The following ARID2 variants were observed in gnomAD, a reference collection of about 807,000 sequenced individuals.
The protein encoded by ARID2 is AT-rich interactive domain-containing protein 2.
Under a neutral mutation model 184.6 loss-of-function variants are expected in ARID2, and 32 were observed. The ratio of observed to expected loss-of-function variants is 0.17; its 90% CI spans 0.13 to 0.23. The LOEUF (loss-of-function observed/expected upper bound fraction) is 0.23. Among genes scored for constraint, ARID2 ranks in the 10% least tolerant of loss-of-function variants. The probability of loss-of-function intolerance (pLI) is 1.00; values close to 1 mark genes in which losing one functional copy is unlikely to be tolerated. For missense variants in ARID2, 1,696 were observed against 2,197.6 expected (o/e 0.77, Z 4.56); for synonymous variants, 836 against 772.6 (o/e 1.08, Z -1.36).
chr12:45,836,343 G>A (rs938969680), intron 6 of ARID2, among the ~76,000 whole-genome samples: 1 of 152,122 alleles, frequency 6.6e-6, no homozygotes, highest in Admixed American at 6.6e-5. Flanking sequence ...CCAAGTAGCT[G>A]GGACTTCAGG....
At chr12:45,870,419 T>C (rs1406225459) in intron 16 of ARID2, among the ~76,000 whole-genome samples, 2 of 152,188 alleles carry the variant, frequency 1.3e-5, no homozygotes, top group Non-Finnish European at 2.9e-5. Context: ...GTGGTACACA[T>C]GTGATAATTG....
intron 4 of ARID2, among the ~76,000 whole-genome samples, chr12:45,816,641 T>G (rs1942808485): frequency 6.6e-6 from 1 of 152,216 alleles, no homozygotes. Flanking sequence ...GCGAGATTTA[T>G]TAGTACTCAC....
chr12:45,815,286 A>C lies in ARID2; in HGVS notation c.419-2384A>C, dbSNP rs143735474. ...TAAAAATCTGCTCCTATATTCATAGAAGTTTCATTACTTTTTCTCCAGATA... is the reference window on the plus strand; with the variant it reads ...TAAAAATCTGCTCCTATATTCATAGCAGTTTCATTACTTTTTCTCCAGATA... On this transcript the variant is annotated intron_variant, in intron 4 of 20. Coordinates refer to ENST00000334344, the MANE Select transcript of ARID2 (RefSeq NM_152641.4). 2.6e-5 allele frequency among the ~76,000 whole-genome samples: 4 copies of C among 152,312 alleles called. No homozygotes were observed. The East Asian group carries it at 7.7e-4, about 29-fold the overall frequency.
At chr12:45,768,560 T>C (rs1438955034) in intron 3 of ARID2, among the ~76,000 whole-genome samples, 2 of 152,322 alleles carry the variant, frequency 1.3e-5, no homozygotes, top group African/African-American at 4.8e-5. Flanking sequence ...CTAAAGCAAC[T>C]AACTTCATTT....
At chr12:45,862,450 A>G (rs969683060) in intron 16 of ARID2, among the ~76,000 whole-genome samples, 2 of 152,034 alleles carry the variant, frequency 1.3e-5, no homozygotes, top group African/African-American at 2.4e-5. Context: ...CTGCATGCCA[A>G]TTTTACTCTC....
intron 3 of ARID2, among the ~76,000 whole-genome samples, chr12:45,764,929 T>C (rs1941744581): frequency 6.6e-6 from 1 of 152,264 alleles, no homozygotes; most frequent in East Asian, 1.9e-4. Context: ...GCTAAACTGT[T>C]TTTGAGAATG....
chr12:45,898,105 G>GA (rs953889577), intron 20 of ARID2, among the ~76,000 whole-genome samples: 2 of 151,502 alleles, frequency 1.3e-5, no homozygotes, highest in Non-Finnish European at 1.5e-5. Context: ...GCCTACAAAG[G>GA]AAAAAAAATT....
chr12:45,843,994 G>T (rs533239310), intron 11 of ARID2, among the ~76,000 whole-genome samples: 1 of 152,156 alleles, frequency 6.6e-6, no homozygotes, highest in African/African-American at 2.4e-5. Flanking sequence ...TAATCTGAAT[G>T]AAATAAAATA....
chr12:45,902,175 CAT>C (rs1332356971), intron 20 of ARID2, among the ~76,000 whole-genome samples: 2 of 151,984 alleles, frequency 1.3e-5, no homozygotes, highest in Non-Finnish European at 2.9e-5. Context: ...AAAAAACTAA[CAT>C]GTGAATTTAG....
At chr12:45,804,740 T>C (rs1158934169) in intron 3 of ARID2, among the ~76,000 whole-genome samples, 1 of 152,024 alleles carries the variant, frequency 6.6e-6, no homozygotes, top group Non-Finnish European at 1.5e-5. Context: ...GCTTAATACA[T>C]CATCTAAACC....
At chr12:45,785,207 G>A (rs369924691) in intron 3 of ARID2, among the ~76,000 whole-genome samples, 61 of 152,284 alleles carry the variant, frequency 4.0e-4, no homozygotes, top group African/African-American at 1.3e-3. Flanking sequence ...GTGCCCTAAA[G>A]TTAAACAAGT....
At chr12:45,811,287 A>T (rs570370672) in intron 3 of ARID2, 131 bp from the exon 4 acceptor site, 1 of 958,172 alleles carries the variant, frequency 1.0e-6, no homozygotes, top group South Asian at 2.0e-5. Flanking sequence ...GTTCTAATAT[A>T]AGAGGTTTAT....
At chr12:45,870,155 T>C (rs1386038106) in intron 16 of ARID2, among the ~76,000 whole-genome samples, 2 of 151,686 alleles carry the variant, frequency 1.3e-5, no homozygotes, top group African/African-American at 4.8e-5. Flanking sequence ...CCTGCTAACT[T>C]TTTTTGTATT....
At chr12:45,756,713 T>A (rs1378132022) in intron 3 of ARID2, among the ~76,000 whole-genome samples, 1 of 152,234 alleles carries the variant, frequency 6.6e-6, no homozygotes, top group East Asian at 1.9e-4. Flanking sequence ...ATGCCTGTAA[T>A]GCCAGCATTT....
In ARID2 at chr12:45,851,498, A is replaced by G. The variant is rs181055853; in HGVS notation, c.3375A>G (p.Gln1125=). The change falls in exon 15 of 21, where the codon CAA becomes CAG. Residue 1125 remains glutamine, a synonymous_variant. Coordinates refer to ENST00000334344, the MANE Select transcript of ARID2 (RefSeq NM_152641.4). ...TPAQQLLVGQ[Q]NVQLVPSAMP... is the part of the protein sequence containing the mutation. ...CTCAGCAGCTATTGGTTGGGCAGCA[A>G]AATGTTCAGTTGGTCCCAAGTGCAA... 22 of 1,614,132 alleles carry G rather than the reference A, an allele frequency of 1.4e-5. No individual in the cohort carries two copies. The Admixed American group carries it at 3.5e-4, about 26-fold the overall frequency.
intron 6 of ARID2, 51 bp from the exon 7 acceptor site, chr12:45,836,538 A>G (rs2138124740): frequency 6.6e-7 from 1 of 1,522,404 alleles, no homozygotes; most frequent in Non-Finnish European, 8.9e-7. Flanking sequence ...TTTCTAAAGC[A>G]ATAGAATAGT....
At chr12:45,800,705 C>T (rs1013597632) in intron 3 of ARID2, among the ~76,000 whole-genome samples, 4 of 151,704 alleles carry the variant, frequency 2.6e-5, no homozygotes, top group Non-Finnish European at 5.9e-5. Flanking sequence ...AGGGAAAATA[C>T]GAGATAAGCC....
At chr12:45,741,663 A>G (rs749623858) in intron 3 of ARID2, among the ~76,000 whole-genome samples, 1 of 152,146 alleles carries the variant, frequency 6.6e-6, no homozygotes, top group East Asian at 1.9e-4. Flanking sequence ...TCTTTTTAAC[A>G]TGTGTCTATT....
In ARID2 at chr12:45,851,189, A is replaced by T. The variant is rs748660514; in HGVS notation, c.3066A>T (p.Pro1022=). 6.2e-7 allele frequency: 1 copy of T among 1,614,048 alleles called. No individual in the cohort carries two copies. The highest frequency in any genetic ancestry group is 1.1e-5 in the South Asian group (1 of 91,072). The change falls in exon 15 of 21, where the codon CCA becomes CCT. Residue 1022 remains proline, a synonymous_variant. Transcript: ENST00000334344. Reference sequence around the variant, plus strand: ...AGCAGCAACATTCACCAGCACCCCCACCACAGCAGGTACAAGTACAAGTTC... The same window carrying T: ...AGCAGCAACATTCACCAGCACCCCCTCCACAGCAGGTACAAGTACAAGTTC... ...QQQQQHSPAP[P]PQQVQVQVQQ... is the part of the protein sequence containing the mutation.
Sources: gnomAD v4.1 joint callset for allele counts (sites outside exome capture counted in the v4.1 genomes callset) on GRCh38, gnomAD v4.1.1 for gene constraint, MANE v1.5 for transcripts, NCBI Gene and HGNC (gene_info 2026-07-23, HGNC 2026-07-21) for gene names.